The following IFT74 variants were observed in gnomAD, a reference collection of about 807,000 sequenced individuals.
The protein encoded by IFT74 is intraflagellar transport 74, also known as intraflagellar transport protein 74 homolog.
A neutral mutation model predicts 96.7 loss-of-function variants in IFT74; 92 were observed. The observed-to-expected ratio is 0.95, with a 90% CI of 0.80 to 1.13. The LOEUF (loss-of-function observed/expected upper bound fraction) is 1.13. Ranked by LOEUF, IFT74 falls within the 50% of genes most tolerant of loss-of-function variation. The pLI is 0.00. For synonymous variants in IFT74, 223 were observed against 213.2 expected (o/e 1.05, Z -0.40); for missense variants, 811 against 698.2 (o/e 1.16, Z -1.82).
intron 8 of IFT74, chr9:26,993,437 A>G (rs978982629): frequency 6.6e-6 from 1 of 152,564 alleles, no homozygotes; most frequent in Non-Finnish European, 1.5e-5. Flanking sequence ...CTTTGTTGAA[A>G]ACATGTGTCT....
intron 11 of IFT74, among the ~76,000 whole-genome samples, chr9:27,017,459 C>T (rs1390722373): frequency 6.6e-6 from 1 of 152,122 alleles, no homozygotes; most frequent in African/African-American, 2.4e-5. Flanking sequence ...TGGCCTCAAG[C>T]AGTCCTCCCA....
At position 27,032,475 on chromosome 9, in the gene IFT74, A is replaced by AT. The variant is rs143107303; in HGVS notation, c.1054+3379dup. On this transcript the variant is annotated intron_variant, in intron 13 of 19. Transcript: ENST00000380062. ...GATCATTTTACTTATTTTTAAAAAG[A>AT]TTTTTTTTGTGTGTTTTGCCTTAAA... 6.6e-3 allele frequency among the ~76,000 whole-genome samples: 1,006 copies of AT among 151,976 alleles called. 6 individuals carry two copies. The highest frequency in any genetic ancestry group is 9.5e-3 in the Non-Finnish European group (645 of 67,954).
chr9:27,046,153 A>G (rs1201254750), intron 14 of IFT74, among the ~76,000 whole-genome samples: 1 of 152,176 alleles, frequency 6.6e-6, no homozygotes, highest in Non-Finnish European at 1.5e-5. Flanking sequence ...ATATGTAAAA[A>G]TCTCATATGT....
chr9:26,978,872 G>A (rs1827236343), intron 3 of IFT74, among the ~76,000 whole-genome samples: 1 of 151,930 alleles, frequency 6.6e-6, no homozygotes, highest in Non-Finnish European at 1.5e-5. Context: ...TTATGCTTCT[G>A]CATATGTATT....
At chr9:26,962,137 C>T (rs774107597) in intron 2 of IFT74, 50 bp downstream of exon 2, 22 of 1,591,048 alleles carry the variant, frequency 1.4e-5, no homozygotes, top group Non-Finnish European at 1.9e-5. Flanking sequence ...GTGGGAGGAC[C>T]ACTTGAGTCC....
intron 8 of IFT74, chr9:26,997,908 C>A (rs771074603): frequency 1.2e-6 from 2 of 1,614,110 alleles, no homozygotes; most frequent in South Asian, 1.1e-5. Context: ...ACAAATACAT[C>A]AGCATTCAGT....
chr9:27,015,487 A>G (rs1829294599), intron 10 of IFT74, among the ~76,000 whole-genome samples: 1 of 152,150 alleles, frequency 6.6e-6, no homozygotes. Context: ...AAATACAAAA[A>G]TTAGCTGGGC....
chr9:26,982,451 ATTT>A (rs56756518), intron 4 of IFT74: 3,240 of 212,728 alleles, frequency 0.015, no homozygotes, highest in South Asian at 0.019. Flanking sequence ...TAATTTTTGT[ATTT>A]TTTTTTTTTT....
chr9:27,037,770 T>C (rs555542843), intron 13 of IFT74, among the ~76,000 whole-genome samples: 1 of 152,344 alleles, frequency 6.6e-6, no homozygotes, highest in South Asian at 2.1e-4. Flanking sequence ...ACCTGTGTTC[T>C]GGCAACACAA....
chr9:27,042,305 G>T (rs1366852131), intron 13 of IFT74, among the ~76,000 whole-genome samples: 2 of 152,060 alleles, frequency 1.3e-5, no homozygotes, highest in East Asian at 3.9e-4. Flanking sequence ...CAGAACTCTA[G>T]AATATAAATG....
At chr9:27,005,850 C>CT (rs1415009803) in intron 8 of IFT74, among the ~76,000 whole-genome samples, 1 of 146,788 alleles carries the variant, frequency 6.8e-6, no homozygotes, top group African/African-American at 2.5e-5. Context: ...TCTTTTTTTT[C>CT]TTTTTTTGAG....
intron 13 of IFT74, among the ~76,000 whole-genome samples, chr9:27,033,573 C>CAAAAAA (rs558712485): frequency 9.1e-5 from 6 of 66,264 alleles, no homozygotes; most frequent in East Asian, 5.5e-4. Context: ...GACCCTGTCT[C>CAAAAAA]AAAAAAAAAA....
chr9:27,031,340 G>A (rs1339071348), intron 13 of IFT74, among the ~76,000 whole-genome samples: 3 of 151,980 alleles, frequency 2.0e-5, no homozygotes, highest in Non-Finnish European at 2.9e-5. Context: ...GGTGGTGGGC[G>A]CCTGTAGTCC....
chr9:27,028,760 A>G (rs1829987100), intron 12 of IFT74: 2 of 204,332 alleles, frequency 9.8e-6, no homozygotes, highest in South Asian at 2.3e-4. Flanking sequence ...GTCTCAAAGA[A>G]AAAAAAAAAA....
At chr9:26,967,177 A>C (rs1374499873) in intron 2 of IFT74, among the ~76,000 whole-genome samples, 1 of 151,434 alleles carries the variant, frequency 6.6e-6, no homozygotes, top group Admixed American at 6.6e-5. Flanking sequence ...GAATTTGTAG[A>C]TTAATTTGGA....
At chr9:26,962,352 C>G (rs1826403863) in intron 2 of IFT74, among the ~76,000 whole-genome samples, 1 of 152,074 alleles carries the variant, frequency 6.6e-6, no homozygotes, top group Admixed American at 6.5e-5. Context: ...TTTTGGAAAG[C>G]ATCTGGAAAT....
At chr9:26,998,827 T>TA (rs1828312040) in intron 8 of IFT74, among the ~76,000 whole-genome samples, 1 of 141,068 alleles carries the variant, frequency 7.1e-6, no homozygotes, top group African/African-American at 2.7e-5. Flanking sequence ...CTACTGAAAA[T>TA]ACAAAAAAAA....
intron 2 of IFT74, among the ~76,000 whole-genome samples, chr9:26,963,020 C>A (rs530441704): frequency 1.9e-4 from 28 of 149,812 alleles, no homozygotes; most frequent in African/African-American, 6.9e-4. Flanking sequence ...AGGTTAGTTA[C>A]ATATGTATAC....
intron 8 of IFT74, among the ~76,000 whole-genome samples, chr9:27,001,027 G>T (rs1828455127): frequency 6.6e-6 from 1 of 151,984 alleles, no homozygotes; most frequent in Non-Finnish European, 1.5e-5. Context: ...CACTTTTTTA[G>T]CTCCCACATG....
Sources: allele counts gnomAD v4.1 joint callset (sites outside exome capture counted in the v4.1 genomes callset), GRCh38; gene constraint gnomAD v4.1.1; transcripts MANE v1.5; gene names NCBI Gene and HGNC (gene_info 2026-07-23, HGNC 2026-07-21).